Variants in SHB observed in about 807,000 individuals in gnomAD.
SHB encodes the protein SH2 domain-containing adapter protein B.
In SHB, 20 loss-of-function variants were observed where a neutral mutation model predicts 52.3. The ratio of observed to expected loss-of-function variants is 0.38; its 90% CI spans 0.27 to 0.56. The LOEUF (loss-of-function observed/expected upper bound fraction) is 0.56. SHB is among the 20% of genes least tolerant of loss of function. SHB has a pLI of 0.71. For missense variants in SHB, 825 were observed against 723.3 expected, an observed-to-expected ratio of 1.14 and a Z score of -1.61; for synonymous variants, 397 against 316.5, an observed-to-expected ratio of 1.25 and a Z score of -2.70.
intron 5 of SHB, among the ~76,000 whole-genome samples, chr9:37,943,627 G>C (rs1248209502): frequency 6.6e-6 from 1 of 152,188 alleles, no homozygotes; most frequent in East Asian, 1.9e-4. Context: ...CAACCAAGCA[G>C]GGGCTGGGTC....
intron 2 of SHB, among the ~76,000 whole-genome samples, chr9:37,983,130 A>G (rs1397603967): frequency 6.6e-6 from 1 of 152,200 alleles, no homozygotes; most frequent in African/African-American, 2.4e-5. Context: ...AGCTCCCAAC[A>G]GGGACAGACA....
intron 2 of SHB, among the ~76,000 whole-genome samples, chr9:37,999,124 G>A (rs529180646): frequency 9.6e-4 from 147 of 152,354 alleles, no homozygotes; most frequent in Non-Finnish European, 1.9e-3. Context: ...GAACCCTATA[G>A]GGTGTGGGAT....
At chr9:38,028,297 C>T (rs554913980) in intron 1 of SHB, among the ~76,000 whole-genome samples, 2 of 152,202 alleles carry the variant, frequency 1.3e-5, no homozygotes, top group African/African-American at 2.4e-5. Context: ...AGCTGTTGTG[C>T]CAATAATGGA....
At chr9:37,948,584 C>A (rs377107022) in intron 5 of SHB, 51 bp downstream of exon 5, 5 of 1,598,824 alleles carry the variant, frequency 3.1e-6, no homozygotes, top group Non-Finnish European at 4.3e-6. Context: ...TGGCCGGCTG[C>A]GCTCGCAGAG....
chr9:37,940,893 G>A (rs1832427385), intron 5 of SHB, among the ~76,000 whole-genome samples: 1 of 152,188 alleles, frequency 6.6e-6, no homozygotes, highest in Admixed American at 6.5e-5. Flanking sequence ...AGGGGCAGCA[G>A]CATGGTGATG....
At chr9:38,067,560 G>A (rs1037272844) in intron 1 of SHB, among the ~76,000 whole-genome samples, 55 of 152,342 alleles carry the variant, frequency 3.6e-4, no homozygotes, top group Non-Finnish European at 6.9e-4. Flanking sequence ...TGAGCGGAGG[G>A]TGGAGGCTGG....
intron 5 of SHB, among the ~76,000 whole-genome samples, chr9:37,924,339 A>G (rs1832220353): frequency 6.6e-6 from 1 of 152,252 alleles, no homozygotes; most frequent in Non-Finnish European, 1.5e-5. Flanking sequence ...CCGGCCGCCG[A>G]GCAGGGTGCG....
chr9:38,063,051 G>C (rs149630442), intron 1 of SHB, among the ~76,000 whole-genome samples: 1 of 152,222 alleles, frequency 6.6e-6, no homozygotes, highest in Non-Finnish European at 1.5e-5. Flanking sequence ...GAAGCCTGGG[G>C]AATGTATTTC....
chr9:37,946,161 A>T (rs897875371), intron 5 of SHB, among the ~76,000 whole-genome samples: 2 of 152,236 alleles, frequency 1.3e-5, no homozygotes, highest in Admixed American at 6.5e-5. Flanking sequence ...CAAGGCCACA[A>T]GGCCAGTGAG....
rs1406221876 is a variant in SHB at position 37,974,695 on chromosome 9, C to G, written c.981G>C (p.Gln327His). 1.2e-6 allele frequency: 2 copies of G among 1,613,970 alleles called. No individual in the cohort carries two copies. The highest frequency in any genetic ancestry group is 1.7e-6 in the Non-Finnish European group (2 of 1,180,018). ...ACTCATCGGCGGGCCTGTCGTCATC[C>G]TGGGGCAGCTTGCTCTCCCGCAGTC... is the stretch of plus-strand genomic sequence containing the variant. ...SPRLRESKLPQDDDRPADEYD... is the reference protein window; with the variant it reads ...SPRLRESKLPHDDDRPADEYD... The change falls in exon 3 of 6, where the codon CAG becomes CAC. Residue 327 changes from glutamine (Q) to histidine (H), a missense_variant. Gln to His is a conservative substitution (Grantham distance 24). Coordinates refer to ENST00000377707, the MANE Select transcript of SHB (RefSeq NM_003028.3).
At chr9:38,039,067 C>T (rs895655230) in intron 1 of SHB, among the ~76,000 whole-genome samples, 8 of 152,138 alleles carry the variant, frequency 5.3e-5, no homozygotes, top group African/African-American at 1.9e-4. Flanking sequence ...CGTGACAGCC[C>T]AGGACACTAC....
intron 5 of SHB, among the ~76,000 whole-genome samples, chr9:37,941,312 T>C (rs1470771458): frequency 6.6e-6 from 1 of 152,224 alleles, no homozygotes; most frequent in Non-Finnish European, 1.5e-5. Flanking sequence ...CTGGAGCATA[T>C]GCTAAGCACT....
chr9:37,960,380 A>C (rs1832680623), intron 3 of SHB, among the ~76,000 whole-genome samples: 1 of 152,246 alleles, frequency 6.6e-6, no homozygotes, highest in African/African-American at 2.4e-5. Flanking sequence ...ATTTAGAGAA[A>C]AAATATGCTA....
At chr9:37,976,325 C>T (rs1013546965) in intron 2 of SHB, among the ~76,000 whole-genome samples, 9 of 152,164 alleles carry the variant, frequency 5.9e-5, no homozygotes, top group Non-Finnish European at 1.2e-4. Context: ...TGTGAGCCAC[C>T]GCACCCAGCC....
chr9:37,955,749 A>G (rs143119824), intron 4 of SHB, 134 bp downstream of exon 4: 6 of 816,122 alleles, frequency 7.4e-6, no homozygotes, highest in South Asian at 7.2e-5. Flanking sequence ...CGGCCTCCCA[A>G]AGTGCTGGGA....
intron 1 of SHB, among the ~76,000 whole-genome samples, chr9:38,031,643 C>T (rs927536564): frequency 4.6e-5 from 7 of 152,166 alleles, no homozygotes; most frequent in Non-Finnish European, 8.8e-5. Context: ...ACCCTGTGTC[C>T]CTTCCGCTTT....
intron 2 of SHB, among the ~76,000 whole-genome samples, chr9:38,012,914 ACT>A (rs1564101685): frequency 1.3e-5 from 2 of 149,938 alleles, no homozygotes; most frequent in African/African-American, 4.9e-5. Context: ...CACCAGCACC[ACT>A]CTCTCTTCCC....
chr9:37,959,103 T>C (rs1832667148), intron 3 of SHB, among the ~76,000 whole-genome samples: 1 of 152,130 alleles, frequency 6.6e-6, no homozygotes. Context: ...GGGTCAATCC[T>C]GAAGACGGGA....
intron 2 of SHB, among the ~76,000 whole-genome samples, chr9:37,977,804 C>G (rs1214780027): frequency 6.6e-6 from 1 of 152,222 alleles, no homozygotes; most frequent in Non-Finnish European, 1.5e-5. Context: ...TGAGAAGGCA[C>G]TGACCTGGGA....
Sources: allele counts gnomAD v4.1 joint callset (sites outside exome capture counted in the v4.1 genomes callset), GRCh38; gene constraint gnomAD v4.1.1; transcripts MANE v1.5; gene names NCBI Gene and HGNC (gene_info 2026-07-23, HGNC 2026-07-21).